The following ABCC6 variants were observed in gnomAD, a reference collection of about 807,000 sequenced individuals.
ABCC6 encodes ATP-binding cassette sub-family C member 6.
A neutral mutation model predicts 169.5 loss-of-function variants in ABCC6; 126 were observed. That is an observed-to-expected ratio of 0.74 (90% confidence interval 0.64 to 0.86). The LOEUF (loss-of-function observed/expected upper bound fraction) is 0.86. Ranked by LOEUF, ABCC6 falls within the 40% of genes least tolerant of loss-of-function variation. ABCC6 has a pLI of 0.00. For missense variants in ABCC6, 1,733 were observed against 1,927.2 expected, an observed-to-expected ratio of 0.90 and a Z score of 1.89; for synonymous variants, 752 against 814.7, an observed-to-expected ratio of 0.92 and a Z score of 1.31.
chr16:16,187,080 T>TA, intron 14 of ABCC6, 44 bp downstream of exon 14: 3 of 1,470,250 alleles, frequency 2.0e-6, no homozygotes, highest in Non-Finnish European at 2.8e-6. Context: ...GGCCCCCACA[T>TA]CCCCCATCCC....
intron 21 of ABCC6, 115 bp from the exon 22 acceptor site, chr16:16,169,968 C>T (rs541133587): frequency 3.2e-5 from 34 of 1,073,464 alleles, no homozygotes; most frequent in African/African-American, 4.7e-5. Context: ...GGGACCACCA[C>T]GCAGACCTCA....
At chr16:16,196,259 G>T (rs2048035463) in intron 10 of ABCC6, among the ~76,000 whole-genome samples, 1 of 151,000 alleles carries the variant, frequency 6.6e-6, no homozygotes, top group Non-Finnish European at 1.5e-5. Flanking sequence ...ATATGAAAAT[G>T]ATATGCACTT....
Position 16,174,760 on chromosome 16 carries a change from A to ACCCCCCC in ABCC6, c.2666+1144_2666+1150dup, listed in dbSNP as rs386789398. Among the ~76,000 whole-genome samples the ACCCCCCC allele has an allele frequency of 1.5e-3, 141 of 94,466 alleles. 2 individuals carry two copies. The East Asian group carries it at 0.016, about 11-fold the overall frequency. 62.0% of individuals were successfully genotyped at this position (94,466 alleles called of 152,430 possible). A position where few individuals can be genotyped will look rare whatever the true frequency, so the allele number is the denominator to read the frequency against. On this transcript the variant is annotated intron_variant, in intron 20 of 30. Coordinates refer to ENST00000205557, the MANE Select transcript of ABCC6 (RefSeq NM_001171.6). Reference sequence around the variant, plus strand: ...CGACAGAGCAAGATTCTGTCTCAAAACCCCCCCCCGCAAAAAACAAAAAAC... The same window carrying ACCCCCCC: ...CGACAGAGCAAGATTCTGTCTCAAAACCCCCCCCCCCCCCCCGCAAAAAACAAAAAAC...
intron 29 of ABCC6, among the ~76,000 whole-genome samples, chr16:16,151,360 C>T (rs1363209012): frequency 6.6e-6 from 1 of 152,164 alleles, no homozygotes; most frequent in Admixed American, 6.5e-5. Context: ...CCCGGTAGTT[C>T]TATTTCTAGT....
chr16:16,187,344 G>T, intron 13 of ABCC6, 133 bp from the exon 14 acceptor site: 1 of 757,464 alleles, frequency 1.3e-6, no homozygotes, highest in Non-Finnish European at 2.3e-6. Context: ...TGAGGACAAA[G>T]CTTTCTAGTT....
chr16:16,157,930 CA>C (rs2046604422), intron 26 of ABCC6, 121 bp from the exon 27 acceptor site: 3 of 1,136,304 alleles, frequency 2.6e-6, no homozygotes, highest in Non-Finnish European at 3.7e-6. Context: ...TGCTGTTTTA[CA>C]GGGTTGTTAT....
chr16:16,168,696 G>A (rs975121188), intron 22 of ABCC6, among the ~76,000 whole-genome samples: 25 of 152,118 alleles, frequency 1.6e-4, no homozygotes, highest in African/African-American at 5.8e-4. Context: ...GTCAACCATC[G>A]TGATGGATGC....
intron 15 of ABCC6, 144 bp downstream of exon 15, chr16:16,184,815 C>G (rs2047594890): frequency 1.2e-6 from 1 of 856,750 alleles, no homozygotes; most frequent in Non-Finnish European, 2.0e-6. Context: ...TGAGAACCTC[C>G]CCGGCAGAGC....
In ABCC6 at chr16:16,178,853, A is replaced by C; in HGVS notation, c.2360T>G (p.Val787Gly). 6.2e-7 allele frequency: 1 copy of C among 1,613,704 alleles called. No homozygotes were observed. The highest frequency in any genetic ancestry group is 8.5e-7 in the Non-Finnish European group (1 of 1,180,032). ...GACCTGGTTGAAGACATGCTGGCCA[A>C]CGTGGGCATCCAGGGCCGCCAGGGG... ...DDPLAALDAH[V>G]GQHVFNQVIG... is the part of the protein sequence containing the mutation. Residue 787 changes from valine (V) to glycine (G), a missense_variant, in exon 18 of 31, where the codon GTT (valine) becomes GGT (glycine). Transcript: ENST00000205557.
intron 5 of ABCC6, among the ~76,000 whole-genome samples, chr16:16,213,121 G>A (rs1245953941): frequency 8.5e-5 from 12 of 141,202 alleles, no homozygotes; most frequent in East Asian, 2.0e-4. Context: ...GTCTCGCTCT[G>A]TCACCCAGGC....
rs759542954 is a variant in ABCC6, at chr16:16,198,117, G to A, written c.1242C>T (p.Ser414=). 16 of 1,612,424 alleles carry A rather than the reference G, an allele frequency of 9.9e-6. No homozygotes were observed. Among genetic ancestry groups the A allele is most frequent in the Admixed American group, 1.7e-5 (1 of 59,804 alleles). ...TCTCGGTCAGCCGCTGCACGTCCAC[G>A]GACACCAGATTGACCACATCACCCA... The part of the protein sequence containing the change: ...SAVGDVVNLV[S]VDVQRLTESV... The change falls in exon 10 of 31, where the codon TCC becomes TCT. Residue 414 remains serine (S), a synonymous_variant. Coordinates refer to ENST00000205557, the MANE Select transcript of ABCC6 (RefSeq NM_001171.6).
At chr16:16,151,627 G>A (rs547579252) in intron 29 of ABCC6, among the ~76,000 whole-genome samples, 5 of 152,258 alleles carry the variant, frequency 3.3e-5, no homozygotes, top group Admixed American at 1.3e-4. Context: ...CCTGTTTATG[G>A]CTATGTCCAG....
Position 16,201,993 on chromosome 16 carries a change from G to T in ABCC6, c.1176+8C>A. ...TGGGAAGACCTGCCCTTGTCCCCCA[G>T]GGCTCACCTTTCTGTACACCAGGCC... On this transcript the variant is annotated splice_region_variant and intron_variant, in intron 9 of 30. Coordinates refer to ENST00000205557, the MANE Select transcript of ABCC6 (RefSeq NM_001171.6). 6.2e-7 allele frequency: 1 copy of T among 1,613,974 alleles called. No individual in the cohort carries two copies. Among genetic ancestry groups the T allele is most frequent in the Non-Finnish European group, 8.5e-7 (1 of 1,179,874 alleles).
At chr16:16,156,142 C>T (rs1356363609) in intron 27 of ABCC6, among the ~76,000 whole-genome samples, 1 of 152,180 alleles carries the variant, frequency 6.6e-6, no homozygotes, top group African/African-American at 2.4e-5. Context: ...TCTCAAACTT[C>T]TGGCCTCAAG....
chr16:16,187,597 G>T (rs953114289), intron 13 of ABCC6, among the ~76,000 whole-genome samples: 1 of 152,196 alleles, frequency 6.6e-6, no homozygotes, highest in Non-Finnish European at 1.5e-5. Flanking sequence ...GAGACCAGTC[G>T]TTAAAATAGA....
At position 16,187,214 on chromosome 16, in the gene ABCC6, A is replaced by G. The variant is rs752043367; in HGVS notation, c.1780-3T>C. On this transcript the variant is annotated splice_region_variant and splice_polypyrimidine_tract_variant and intron_variant, in intron 13 of 30. Coordinates refer to ENST00000205557, the MANE Select transcript of ABCC6 (RefSeq NM_001171.6). Reference sequence around the variant, plus strand: ...AGACGGTCAAAGGACACCCGGGCCTAGGAAAACCGAAGCCGCAGGTCACCC... The same window carrying G: ...AGACGGTCAAAGGACACCCGGGCCTGGGAAAACCGAAGCCGCAGGTCACCC... The G allele has an allele frequency of 2.2e-5, 35 of 1,612,934 alleles. No homozygotes were observed. The highest frequency in any genetic ancestry group is 3.0e-5 in the Non-Finnish European group (35 of 1,179,512).
intron 4 of ABCC6, among the ~76,000 whole-genome samples, 156 bp downstream of exon 4, chr16:16,219,398 C>T (rs1381210255): frequency 6.6e-6 from 1 of 151,708 alleles, no homozygotes; most frequent in Middle Eastern, 3.2e-3. Flanking sequence ...CTGACAGGTG[C>T]GGGAGTGGAT....
intron 20 of ABCC6, among the ~76,000 whole-genome samples, chr16:16,174,613 C>T (rs373269109): frequency 4.0e-5 from 6 of 151,616 alleles, no homozygotes; most frequent in East Asian, 2.0e-4. Context: ...AAAAATTAGC[C>T]GGGCCTGGTC....
At chr16:16,209,621 T>G (rs28432700) in intron 6 of ABCC6, among the ~76,000 whole-genome samples, 3,949 of 151,922 alleles carry the variant, frequency 0.026, 178 homozygotes, top group African/African-American at 0.09. Context: ...TTATTTTTTT[T>G]GAGATGGAGT....
Sources: gnomAD v4.1 joint callset for allele counts (sites outside exome capture counted in the v4.1 genomes callset) on GRCh38, gnomAD v4.1.1 for gene constraint, MANE v1.5 for transcripts, NCBI Gene and HGNC (gene_info 2026-07-23, HGNC 2026-07-21) for gene names.